The following NIBAN1 variants were observed in gnomAD, a reference collection of about 807,000 sequenced individuals.
The protein encoded by NIBAN1 is protein Niban 1.
Under a neutral mutation model 75.1 loss-of-function variants are expected in NIBAN1, and 81 were observed. The ratio of observed to expected loss-of-function variants is 1.08; its 90% CI spans 0.90 to 1.30. NIBAN1 has a LOEUF of 1.30. Among genes scored for constraint, NIBAN1 ranks in the 50% most tolerant of loss-of-function variants. The pLI is 0.00. For missense variants in NIBAN1, 1,133 were observed against 1,128.1 expected, an observed-to-expected ratio of 1.00 and a Z score of -0.06; for synonymous variants, 436 against 424.8, an observed-to-expected ratio of 1.03 and a Z score of -0.32.
At chr1:184,815,031 C>T (rs1296283831) in intron 9 of NIBAN1, among the ~76,000 whole-genome samples, 1 of 152,102 alleles carries the variant, frequency 6.6e-6, no homozygotes, top group Non-Finnish European at 1.5e-5. Context: ...ATTGTGGAAA[C>T]AGTTTAGAAC....
chr1:184,954,215 T>A (rs1658428371), intron 1 of NIBAN1, among the ~76,000 whole-genome samples: 1 of 152,146 alleles, frequency 6.6e-6, no homozygotes, highest in Admixed American at 6.5e-5. Context: ...CAGAAAATAT[T>A]CCAGACCTTG....
intron 5 of NIBAN1, among the ~76,000 whole-genome samples, chr1:184,853,391 C>A (rs1252054748): frequency 2.0e-5 from 3 of 152,176 alleles, no homozygotes; most frequent in Admixed American, 2.0e-4. Flanking sequence ...ACTATCCTTG[C>A]TAACAATGGA....
At chr1:184,950,067 C>T (rs1658322664) in intron 1 of NIBAN1, among the ~76,000 whole-genome samples, 1 of 152,096 alleles carries the variant, frequency 6.6e-6, no homozygotes, top group African/African-American at 2.4e-5. Flanking sequence ...TTTTTATTTG[C>T]TTTATCTCCA....
chr1:184,951,791 G>A (rs867403454), intron 1 of NIBAN1, among the ~76,000 whole-genome samples: 5 of 152,122 alleles, frequency 3.3e-5, no homozygotes, highest in Non-Finnish European at 7.3e-5. Context: ...TTCTTACACA[G>A]AGTAAAAGCC....
chr1:184,890,103 C>T lies in NIBAN1; in HGVS notation c.433+5G>A, dbSNP rs1432212846. On this transcript the variant is annotated splice_donor_5th_base_variant and intron_variant, in intron 4 of 13. Transcript: ENST00000367511. ...TGCCTTGGAAAAGAATGATCAGCAA[C>T]TCACCAAGAGGGTCTGGGAAATGCC... is the stretch of plus-strand genomic sequence containing the variant. The T allele has an allele frequency of 1.2e-6, 2 of 1,606,890 alleles. No individual in the cohort carries two copies. Among genetic ancestry groups the T allele is most frequent in the Non-Finnish European group, 8.5e-7 (1 of 1,173,650 alleles).
chr1:184,808,055 A>G lies in NIBAN1; in HGVS notation c.1335+19T>C. The G allele has an allele frequency of 2.5e-6, 4 of 1,613,310 alleles. No homozygotes were observed. The highest frequency in any genetic ancestry group is 3.4e-6 in the Non-Finnish European group (4 of 1,179,528). ...CTCTCTTTACCCTCATCCACCACGG[A>G]TGCCCCTGCCACACCCACCTCCTGC... On this transcript the variant is annotated intron_variant, in intron 10 of 13. Transcript: ENST00000367511.
chr1:184,794,730 C>G lies in NIBAN1; in HGVS notation c.*247G>C. ...CTCAGACATCCTCAGCTCCCTCTCA[C>G]CCCAAGTATGCCATTGTCTTTGTAA... On this transcript the variant is annotated 3_prime_UTR_variant, in exon 14 of 14. Transcript: ENST00000367511. 1.8e-6 allele frequency: 1 copy of G among 569,162 alleles called. No individual in the cohort carries two copies. Among genetic ancestry groups the G allele is most frequent in the Admixed American group, 2.9e-5 (1 of 34,042 alleles). The allele number at this position is 569,162 out of a possible 1,614,324, so 35.3% of individuals were successfully genotyped here.
intron 1 of NIBAN1, among the ~76,000 whole-genome samples, chr1:184,963,280 G>A (rs553535989): frequency 8.6e-5 from 13 of 151,984 alleles, no homozygotes; most frequent in South Asian, 4.2e-4. Flanking sequence ...GCAACTTAAC[G>A]AAAAGGGGGG....
chr1:184,912,217 G>C (rs1657259977), intron 1 of NIBAN1, among the ~76,000 whole-genome samples: 1 of 151,904 alleles, frequency 6.6e-6, no homozygotes, highest in African/African-American at 2.4e-5. Context: ...TATTTTAACT[G>C]TTATTTATAA....
At chr1:184,935,790 G>GT (rs11436535) in intron 1 of NIBAN1, among the ~76,000 whole-genome samples, 57,267 of 142,936 alleles carry the variant, frequency 0.4, 12,732 homozygotes, top group South Asian at 0.54. Flanking sequence ...AAGAGTTAGG[G>GT]TTTTTTTTTT....
In NIBAN1 at chr1:184,823,259, C is replaced by T. The variant is rs1455441242; in HGVS notation, c.893G>A (p.Cys298Tyr). The change falls in exon 8 of 14, where the codon TGC becomes TAC. Residue 298 changes from cysteine to tyrosine, a missense_variant. Physicochemically the swap from Cys to Tyr is radical, Grantham distance 194. Coordinates refer to ENST00000367511, the MANE Select transcript of NIBAN1 (RefSeq NM_052966.4). ...TTCCAGGCCCTTTGTCAGAGCTCTG[C>T]ATTCCTCCTTCAAGGCACTTAATCC... ...SEGLSALKEE[C>Y]RALTKGLEGT... 23 of 1,614,098 alleles carry T rather than the reference C, an allele frequency of 1.4e-5. No homozygotes were observed. Among genetic ancestry groups the T allele is most frequent in the Non-Finnish European group, 1.9e-5 (22 of 1,180,044 alleles).
At chr1:184,817,570 T>A (rs893683449) in intron 9 of NIBAN1, among the ~76,000 whole-genome samples, 5 of 152,244 alleles carry the variant, frequency 3.3e-5, no homozygotes, top group Non-Finnish European at 7.3e-5. Flanking sequence ...CCATTCTAAC[T>A]GGCATGAGGT....
At chr1:184,894,288 G>A (rs1656744334) in intron 2 of NIBAN1, 82 bp from the exon 3 acceptor site, 1 of 1,403,762 alleles carries the variant, frequency 7.1e-7, no homozygotes, top group African/African-American at 1.5e-5. Flanking sequence ...GCTATTTCAA[G>A]GAATAGTTTA....
intron 1 of NIBAN1, among the ~76,000 whole-genome samples, chr1:184,925,305 A>G (rs1277877472): frequency 2.0e-5 from 3 of 152,074 alleles, no homozygotes; most frequent in Non-Finnish European, 2.9e-5. Flanking sequence ...GTGTCATTAT[A>G]GGTGAAGTGT....
chr1:184,895,457 T>C (rs1372445558), intron 2 of NIBAN1, among the ~76,000 whole-genome samples: 1 of 152,198 alleles, frequency 6.6e-6, no homozygotes, highest in Non-Finnish European at 1.5e-5. Flanking sequence ...GGGAAAGCAA[T>C]CACTTATCCC....
intron 1 of NIBAN1, among the ~76,000 whole-genome samples, chr1:184,903,733 C>CTTTTTTTTTTTTT (rs368105582): frequency 1.0e-5 from 1 of 99,922 alleles, no homozygotes; most frequent in Non-Finnish European, 1.9e-5. Context: ...CCGATTAAAC[C>CTTTTTTTTTTTTT]TTTTTTTTTT....
chr1:184,887,582 T>A (rs1021179842), intron 4 of NIBAN1, among the ~76,000 whole-genome samples: 1 of 151,978 alleles, frequency 6.6e-6, no homozygotes, highest in Non-Finnish European at 1.5e-5. Flanking sequence ...CCCTATTATC[T>A]GGAATGAGAA....
At chr1:184,929,410 T>C (rs1247205369) in intron 1 of NIBAN1, among the ~76,000 whole-genome samples, 3 of 152,238 alleles carry the variant, frequency 2.0e-5, no homozygotes, top group Non-Finnish European at 2.9e-5. Flanking sequence ...TTTATTCCTA[T>C]TCAAATGTTC....
intron 5 of NIBAN1, among the ~76,000 whole-genome samples, chr1:184,839,683 C>T (rs1407314972): frequency 6.6e-6 from 1 of 151,962 alleles, no homozygotes; most frequent in African/African-American, 2.4e-5. Context: ...GCAACCTCCA[C>T]CTCCCGGGTT....
Sources: allele counts gnomAD v4.1 joint callset (sites outside exome capture counted in the v4.1 genomes callset), GRCh38; gene constraint gnomAD v4.1.1; transcripts MANE v1.5; gene names NCBI Gene and HGNC (gene_info 2026-07-23, HGNC 2026-07-21).